Variants in ATP1B1 observed in about 807,000 individuals in gnomAD.
ATP1B1 encodes the protein ATPase Na+/K+ transporting subunit beta 1.
A neutral mutation model predicts 39.6 loss-of-function variants in ATP1B1; 3 were observed. The ratio of observed to expected loss-of-function variants is 0.08; its 90% CI spans 0.03 to 0.20. The LOEUF (loss-of-function observed/expected upper bound fraction) is 0.20. ATP1B1 is among the 10% of genes least tolerant of loss of function. The probability of loss-of-function intolerance (pLI) is 1.00; values close to 1 mark genes in which losing one functional copy is unlikely to be tolerated. For synonymous variants in ATP1B1, 139 were observed against 135.0 expected, an observed-to-expected ratio of 1.03 and a Z score of -0.20; for missense variants, 216 against 371.1, an observed-to-expected ratio of 0.58 and a Z score of 3.43.
In ATP1B1 at chr1:169,132,085, T is replaced by G. The variant is rs1347161421; in HGVS notation, c.*530T>G. 2.4e-6 allele frequency: 1 copy of G among 416,440 alleles called. No individual in the cohort carries two copies. The highest frequency in any genetic ancestry group is 2.2e-5 in the African/African-American group (1 of 45,388). 25.8% of individuals were successfully genotyped at this position (416,440 alleles called of 1,614,324 possible). A position where few individuals can be genotyped will look rare whatever the true frequency, so the allele number is the denominator to read the frequency against. On this transcript the variant is annotated 3_prime_UTR_variant, in exon 6 of 6. Coordinates refer to ENST00000367815, the MANE Select transcript of ATP1B1 (RefSeq NM_001677.4). Reference sequence around the variant, plus strand: ...AGGTAATGGCCCATCGATGAGCATTTTTAACATACTCCATAGTCTTTTCCT... The same window carrying G: ...AGGTAATGGCCCATCGATGAGCATTGTTAACATACTCCATAGTCTTTTCCT...
intron 2 of ATP1B1, among the ~76,000 whole-genome samples, chr1:169,115,955 T>G (rs1417078096): frequency 1.3e-5 from 2 of 152,264 alleles, no homozygotes; most frequent in Non-Finnish European, 1.5e-5. Flanking sequence ...AGTGCTGCTC[T>G]GCAGCATCGC....
chr1:169,111,773 G>A (rs771368110), intron 2 of ATP1B1, among the ~76,000 whole-genome samples: 37 of 152,180 alleles, frequency 2.4e-4, no homozygotes, highest in Non-Finnish European at 4.0e-4. Flanking sequence ...CTATGTGACT[G>A]TGAACAGATT....
rs1011332391 is a variant in ATP1B1, at chr1:169,127,262, C to A, written c.421C>A (p.His141Asn). 1.9e-6 allele frequency: 3 copies of A among 1,595,190 alleles called. No homozygotes were observed. The highest frequency in any genetic ancestry group is 2.7e-5 in the African/African-American group (2 of 73,688). ...SEPKERGDFN[H>N]ERGERKVCRF... The stretch of plus-strand genomic sequence containing the variant: ...ACCGAAAGAACGAGGAGACTTTAAT[C>A]ATGAACGAGGAGAGCGAAAGGTCTG... The change falls in exon 4 of 6, where the codon CAT becomes AAT. Residue 141 changes from histidine to asparagine, a missense_variant. His to Asn is a moderately conservative substitution (Grantham distance 68). Transcript: ENST00000367815.
At chr1:169,117,789 A>G (rs920632359) in intron 2 of ATP1B1, among the ~76,000 whole-genome samples, 1 of 152,210 alleles carries the variant, frequency 6.6e-6, no homozygotes, top group African/African-American at 2.4e-5. Flanking sequence ...GGATGCAGTC[A>G]AGACTAGTGA....
rs34447553 is a variant in ATP1B1 at position 169,132,019 on chromosome 1, ATTTTT to A, written c.*482_*486del. ...CAACGGGAATAAAACTGGCATGGTA[ATTTTT>A]TTTTTTTTTTTTTTTTTGTTTTTTG... On this transcript the variant is annotated 3_prime_UTR_variant, in exon 6 of 6. Transcript: ENST00000367815. 2.9e-4 allele frequency: 55 copies of A among 190,888 alleles called. No individual in the cohort carries two copies. In the East Asian group the frequency reaches 3.4e-3, roughly 12 times the overall value. The allele number at this position is 190,888 out of a possible 1,614,324, so 11.8% of individuals were successfully genotyped here. A position where few individuals can be genotyped will look rare whatever the true frequency, so the allele number is the denominator to read the frequency against.
Position 169,131,603 on chromosome 1 carries a change from G to A in ATP1B1, c.*48G>A. On this transcript the variant is annotated 3_prime_UTR_variant, in exon 6 of 6. Coordinates refer to ENST00000367815, the MANE Select transcript of ATP1B1 (RefSeq NM_001677.4). This position sits in a 1 kb window ranked among gnomAD's most constrained non-coding sequence, Gnocchi z 4.4. ...CTAGCCATTTAATAAGTTAAAAAAA[G>A]ATACAAAAACAAAAACCTACTAGTC... 3 of 1,562,298 alleles carry A rather than the reference G, an allele frequency of 1.9e-6. No individual in the cohort carries two copies. The highest frequency in any genetic ancestry group is 2.0e-5 in the Admixed American group (1 of 50,222).
In ATP1B1 at chr1:169,132,338, G is replaced by A. The variant is rs1391936161; in HGVS notation, c.*783G>A. On this transcript the variant is annotated 3_prime_UTR_variant, in exon 6 of 6. Transcript: ENST00000367815. The stretch of plus-strand genomic sequence containing the variant: ...CTGCCCATCACTTTGGCTAGTGACA[G>A]GGCTAATTAATTTGCTTTATACATT... 6.3e-6 allele frequency: 3 copies of A among 477,210 alleles called. No homozygotes were observed. Among genetic ancestry groups the A allele is most frequent in the Admixed American group, 7.9e-5 (2 of 25,338 alleles). 29.6% of individuals were successfully genotyped at this position (477,210 alleles called of 1,614,324 possible).
At chr1:169,124,822 C>G (rs1255194085) in intron 2 of ATP1B1, 62 bp from the exon 3 acceptor site, 3 of 1,558,376 alleles carry the variant, frequency 1.9e-6, no homozygotes, top group Non-Finnish European at 2.6e-6. Flanking sequence ...TGTGGAAAGT[C>G]TACTTTTGAA....
intron 2 of ATP1B1, among the ~76,000 whole-genome samples, chr1:169,115,574 C>T (rs1459615638): frequency 6.6e-6 from 1 of 152,064 alleles, no homozygotes; most frequent in Non-Finnish European, 1.5e-5. Flanking sequence ...GTGTCAAACT[C>T]CTGACCTCTG....
rs1213137842 is a variant in ATP1B1, at chr1:169,131,237, C to T, written c.649-55C>T. 3 of 1,486,228 alleles carry T rather than the reference C, an allele frequency of 2.0e-6. No homozygotes were observed. The highest frequency in any genetic ancestry group is 3.0e-5 in the African/African-American group (2 of 67,550). The allele number at this position is 1,486,228 out of a possible 1,614,324, so 92.1% of individuals were successfully genotyped here. ...GTAGATTGAGTCTTGTTTTTGAGTA[C>T]ACATAGTGATGCATGATGTGAGCCA... On this transcript the variant is annotated intron_variant, in intron 5 of 5. Coordinates refer to ENST00000367815, the MANE Select transcript of ATP1B1 (RefSeq NM_001677.4). This position sits in a 1 kb window ranked among gnomAD's most constrained non-coding sequence, Gnocchi z 4.4.
At chr1:169,122,368 C>T (rs535548198) in intron 2 of ATP1B1, among the ~76,000 whole-genome samples, 7 of 152,298 alleles carry the variant, frequency 4.6e-5, no homozygotes, top group Admixed American at 3.3e-4. Flanking sequence ...CCTCCCTACC[C>T]GACTTCCCCA....
chr1:169,116,200 C>T (rs1037915192), intron 2 of ATP1B1, among the ~76,000 whole-genome samples: 1 of 152,244 alleles, frequency 6.6e-6, no homozygotes, highest in South Asian at 2.1e-4. Context: ...GTCTCTTCTT[C>T]ACATCCGCCA....
intron 2 of ATP1B1, among the ~76,000 whole-genome samples, chr1:169,116,278 C>A (rs577067378): frequency 6.6e-6 from 1 of 152,194 alleles, no homozygotes; most frequent in Non-Finnish European, 1.5e-5. Flanking sequence ...GTGTGTCAAT[C>A]GGTGGGTCCG....
chr1:169,119,926 A>G (rs1171869026), intron 2 of ATP1B1, among the ~76,000 whole-genome samples: 3 of 151,990 alleles, frequency 2.0e-5, no homozygotes, highest in Non-Finnish European at 2.9e-5. Flanking sequence ...ACATCCTTTC[A>G]AAGGTCTTTC....
rs911756191 is a variant in ATP1B1 at position 169,106,725 on chromosome 1, C to G, written c.-105C>G. The G allele has an allele frequency of 6.7e-6, 6 of 892,360 alleles. No homozygotes were observed. Among genetic ancestry groups the G allele is most frequent in the Non-Finnish European group, 9.7e-6 (6 of 621,600 alleles). The allele number at this position is 892,360 out of a possible 1,614,324, so 55.3% of individuals were successfully genotyped here. A position where few individuals can be genotyped will look rare whatever the true frequency, so the allele number is the denominator to read the frequency against. ...CCGCAGCGGCAGCGGCGCGTCCTGC[C>G]TGCAGAGAGCCAGGCCGGAGAAGCC... is the stretch of plus-strand genomic sequence containing the variant. On this transcript the variant is annotated 5_prime_UTR_variant, in exon 1 of 6. Coordinates refer to ENST00000367815, the MANE Select transcript of ATP1B1 (RefSeq NM_001677.4).
intron 2 of ATP1B1, among the ~76,000 whole-genome samples, chr1:169,113,164 C>T (rs910055002): frequency 6.6e-6 from 1 of 151,882 alleles, no homozygotes; most frequent in Non-Finnish European, 1.5e-5. Context: ...CTCTCAGGTT[C>T]AAGCGATTCT....
intron 2 of ATP1B1, among the ~76,000 whole-genome samples, chr1:169,121,953 C>T (rs910371687): frequency 6.6e-6 from 1 of 152,116 alleles, no homozygotes; most frequent in Non-Finnish European, 1.5e-5. Flanking sequence ...GATGAGATCC[C>T]TCCTTGGTTT....
At chr1:169,118,730 T>C (rs1244961324) in intron 2 of ATP1B1, among the ~76,000 whole-genome samples, 4 of 152,182 alleles carry the variant, frequency 2.6e-5, no homozygotes, top group African/African-American at 7.2e-5. Flanking sequence ...TTTTTTAAAA[T>C]TGGAAATTAC....
At chr1:169,106,963 T>A (rs955774598) in intron 1 of ATP1B1, 37 bp downstream of exon 1, 4 of 1,541,262 alleles carry the variant, frequency 2.6e-6, no homozygotes, top group African/African-American at 1.4e-5. Context: ...CCGCCGCGTC[T>A]GATCTTTCCC....
Sources: gnomAD v4.1 joint callset for allele counts (sites outside exome capture counted in the v4.1 genomes callset) on GRCh38, gnomAD v4.1.1 for gene constraint, Gnocchi (gnomAD v3.1) non-coding constraint, MANE v1.5 for transcripts, NCBI Gene and HGNC (gene_info 2026-07-23, HGNC 2026-07-21) for gene names.